SDK1: variants seen among roughly 807,000 people sequenced by gnomAD.
SDK1 encodes sidekick cell adhesion molecule 1, also known as protein sidekick-1.
In SDK1, 157 loss-of-function variants were observed where a neutral mutation model predicts 245.5. The observed-to-expected ratio is 0.64, with a 90% CI of 0.56 to 0.73. SDK1 has a LOEUF of 0.73. Among genes scored for constraint, SDK1 ranks in the 30% least tolerant of loss-of-function variants. The pLI is 0.00. For missense variants in SDK1, 3,583 were observed against 3,002.3 expected, an observed-to-expected ratio of 1.19 and a Z score of -4.52; for synonymous variants, 1,647 against 1,278.5, an observed-to-expected ratio of 1.29 and a Z score of -6.15.
intron 1 of SDK1, among the ~76,000 whole-genome samples, chr7:3,423,918 A>AT (rs762630504): frequency 0.017 from 2,456 of 145,118 alleles, 55 homozygotes; most frequent in African/African-American, 0.049. Flanking sequence ...AACACATACT[A>AT]TTTTTTTTTT....
chr7:3,632,702 A>C (rs1782335608), intron 2 of SDK1, among the ~76,000 whole-genome samples: 1 of 152,226 alleles, frequency 6.6e-6, no homozygotes, highest in Non-Finnish European at 1.5e-5. Flanking sequence ...TTAACTTCAT[A>C]TTGATTACTT....
At chr7:4,174,489 C>T (rs1052929540) in intron 33 of SDK1, 132 bp downstream of exon 33, 44 of 1,061,572 alleles carry the variant, frequency 4.1e-5, no homozygotes, top group Non-Finnish European at 5.9e-5. Context: ...CCCTCAGGAA[C>T]AGGGAGCAGG....
At chr7:3,313,666 G>C (rs1041954741) in intron 1 of SDK1, among the ~76,000 whole-genome samples, 6 of 152,290 alleles carry the variant, frequency 3.9e-5, no homozygotes, top group South Asian at 2.1e-4. Flanking sequence ...AGTGTAAGCA[G>C]TAGGGACGGG....
intron 25 of SDK1, among the ~76,000 whole-genome samples, chr7:4,118,321 A>T (rs567558578): frequency 6.6e-6 from 1 of 152,236 alleles, no homozygotes; most frequent in Non-Finnish European, 1.5e-5. Context: ...AGCACATGAA[A>T]ACATGCTCAA....
intron 1 of SDK1, among the ~76,000 whole-genome samples, chr7:3,462,748 A>T (rs866426006): frequency 6.6e-6 from 1 of 151,812 alleles, no homozygotes; most frequent in Non-Finnish European, 1.5e-5. Flanking sequence ...TCCTCTCTCT[A>T]TTGCCGCCAT....
intron 5 of SDK1, among the ~76,000 whole-genome samples, chr7:3,841,712 G>A (rs1182902428): frequency 2.0e-5 from 3 of 151,904 alleles, no homozygotes; most frequent in African/African-American, 7.3e-5. Context: ...ATAGGTGCCC[G>A]CCACCATGCC....
intron 14 of SDK1, among the ~76,000 whole-genome samples, chr7:4,009,510 T>G (rs1414832291): frequency 5.3e-5 from 8 of 152,170 alleles, no homozygotes; most frequent in Admixed American, 5.2e-4. Context: ...AATGCGCACA[T>G]TTTGTTTTTA....
intron 4 of SDK1, among the ~76,000 whole-genome samples, chr7:3,682,902 T>G (rs1161610269): frequency 2.0e-5 from 3 of 151,982 alleles, no homozygotes; most frequent in Non-Finnish European, 4.4e-5. Flanking sequence ...CCATGCTAAT[T>G]TTTGTACTTT....
At chr7:3,398,573 AC>A (rs1778794635) in intron 1 of SDK1, among the ~76,000 whole-genome samples, 1 of 152,028 alleles carries the variant, frequency 6.6e-6, no homozygotes, top group South Asian at 2.1e-4. Context: ...ATTTCAAAAT[AC>A]TTTTCCCCAG....
chr7:3,723,507 T>G (rs1048288529), intron 4 of SDK1, among the ~76,000 whole-genome samples: 1 of 152,156 alleles, frequency 6.6e-6, no homozygotes, highest in Admixed American at 6.5e-5. Context: ...AGTAGCAAAA[T>G]TAGAAACATC....
At chr7:3,534,102 C>G (rs1480659531) in intron 1 of SDK1, among the ~76,000 whole-genome samples, 24 of 152,220 alleles carry the variant, frequency 1.6e-4, no homozygotes, top group Admixed American at 1.6e-3. Context: ...TTCTCTGCTT[C>G]TATGAGTTTC....
chr7:4,091,486 G>A (rs188579293), intron 22 of SDK1, among the ~76,000 whole-genome samples: 3 of 151,752 alleles, frequency 2.0e-5, no homozygotes, highest in African/African-American at 4.8e-5. Flanking sequence ...GGGATGATAG[G>A]CACGTACCAC....
chr7:3,761,664 C>G (rs1358916872), intron 4 of SDK1, among the ~76,000 whole-genome samples: 1 of 151,476 alleles, frequency 6.6e-6, no homozygotes, highest in Non-Finnish European at 1.5e-5. Context: ...TGCTGGAGCG[C>G]AGAGAACACA....
rs1249163629 is a variant in SDK1 at position 3,986,495 on chromosome 7, C to T, written c.1995-691C>T. ...GTTACATGTATCGGGACTTTTCCTG[C>T]ATATGTGGCATTTCCATGACCAGCT... is the stretch of plus-strand genomic sequence containing the variant. On this transcript the variant is annotated intron_variant, in intron 13 of 44. Coordinates refer to ENST00000404826, the MANE Select transcript of SDK1 (RefSeq NM_152744.4). Among the ~76,000 whole-genome samples, 4 of 152,212 alleles carry T rather than the reference C, an allele frequency of 2.6e-5. No homozygotes were observed. The East Asian group carries it at 5.8e-4, about 22-fold the overall frequency.
At chr7:4,138,767 GAA>G (rs1179746689) in intron 28 of SDK1, among the ~76,000 whole-genome samples, 10 of 148,576 alleles carry the variant, frequency 6.7e-5, no homozygotes, top group Middle Eastern at 3.5e-3. Flanking sequence ...AAAAGAGAGA[GAA>G]AGAAAGAAGA....
intron 5 of SDK1, among the ~76,000 whole-genome samples, chr7:3,903,963 C>A (rs1029861659): frequency 1.3e-5 from 2 of 152,130 alleles, no homozygotes; most frequent in Admixed American, 1.3e-4. Context: ...ACGAGACACC[C>A]CTTCCCCTTC....
At chr7:3,814,925 G>T (rs1394976210) in intron 4 of SDK1, among the ~76,000 whole-genome samples, 1 of 152,080 alleles carries the variant, frequency 6.6e-6, no homozygotes, top group Admixed American at 6.5e-5. Context: ...GTATGTTGTT[G>T]GTGTGTAAGA....
intron 1 of SDK1, among the ~76,000 whole-genome samples, chr7:3,410,113 AGT>A (rs1779160522): frequency 1.3e-5 from 2 of 152,192 alleles, no homozygotes; most frequent in African/African-American, 4.8e-5. Context: ...GTAATACTTA[AGT>A]GTTATCATAA....
At chr7:4,210,635 G>A (rs777969546) in intron 38 of SDK1, among the ~76,000 whole-genome samples, 126 of 152,232 alleles carry the variant, frequency 8.3e-4, no homozygotes, top group Non-Finnish European at 1.6e-3. Context: ...TGCTCCCCTC[G>A]CTCATCCGTC....
Sources: allele counts gnomAD v4.1 joint callset (sites outside exome capture counted in the v4.1 genomes callset), GRCh38; gene constraint gnomAD v4.1.1; transcripts MANE v1.5; gene names NCBI Gene and HGNC (gene_info 2026-07-23, HGNC 2026-07-21).